The following RYR3 variants were observed in gnomAD, a reference collection of about 807,000 sequenced individuals.
The protein encoded by RYR3 is ryanodine receptor 3, also known as brain ryanodine receptor-calcium release channel.
In RYR3, 207 loss-of-function variants were observed where a neutral mutation model predicts 584.3. The observed-to-expected ratio is 0.35, with a 90% CI of 0.32 to 0.40. The LOEUF is 0.40. RYR3 is among the 10% of genes least tolerant of loss of function. The probability of loss-of-function intolerance (pLI) is 1.00; values close to 1 mark genes in which losing one functional copy is unlikely to be tolerated. For synonymous variants in RYR3, 2,416 were observed against 2,248.5 expected (o/e 1.07, Z -2.11); for missense variants, 5,616 against 6,089.2 (o/e 0.92, Z 2.59).
At chr15:33,450,554 G>C (rs2047035839) in intron 1 of RYR3, among the ~76,000 whole-genome samples, 1 of 151,910 alleles carries the variant, frequency 6.6e-6, no homozygotes, top group South Asian at 2.1e-4. Flanking sequence ...TTCCTAGGCA[G>C]AGCTCCTTGA....
chr15:33,407,799 C>T (rs1297843749), intron 1 of RYR3, among the ~76,000 whole-genome samples: 1 of 152,016 alleles, frequency 6.6e-6, no homozygotes, highest in Admixed American at 6.5e-5. Context: ...GGCATTTATT[C>T]CCGGCATGGA....
chr15:33,488,663 C>T (rs8042791), intron 2 of RYR3, among the ~76,000 whole-genome samples: 101,133 of 151,764 alleles, frequency 0.67, 35,007 homozygotes, highest in African/African-American at 0.87. Context: ...CCATCCTGGC[C>T]AACATGGTGA....
intron 67 of RYR3, among the ~76,000 whole-genome samples, chr15:33,795,904 T>G (rs1164174374): frequency 6.6e-6 from 1 of 152,142 alleles, no homozygotes; most frequent in Non-Finnish European, 1.5e-5. Context: ...ATTTGGAACT[T>G]AGCATTGAAC....
intron 1 of RYR3, among the ~76,000 whole-genome samples, chr15:33,426,521 G>T (rs1162598881): frequency 6.6e-6 from 1 of 152,146 alleles, no homozygotes; most frequent in Non-Finnish European, 1.5e-5. Flanking sequence ...AGTGGTAAGG[G>T]TGTAACTTTT....
chr15:33,395,254 A>T (rs943516631), intron 1 of RYR3, among the ~76,000 whole-genome samples: 1 of 152,232 alleles, frequency 6.6e-6, no homozygotes, highest in Admixed American at 6.5e-5. Context: ...AAACATGGGG[A>T]CGTAGCTGGA....
intron 10 of RYR3, among the ~76,000 whole-genome samples, chr15:33,550,652 T>C (rs918476569): frequency 6.6e-6 from 1 of 152,228 alleles, no homozygotes; most frequent in African/African-American, 2.4e-5. Context: ...TTCCAAGTTA[T>C]ATTCTTCACT....
intron 1 of RYR3, among the ~76,000 whole-genome samples, chr15:33,350,036 A>G (rs576315032): frequency 2.3e-3 from 346 of 151,920 alleles, no homozygotes; most frequent in Middle Eastern, 6.8e-3. Flanking sequence ...GCTATTGTGA[A>G]TAGTGCTGCA....
rs780773115 is a variant in RYR3 at position 33,813,013 on chromosome 15, G to A, written c.10389+19G>A. 1.4e-5 allele frequency: 22 copies of A among 1,613,638 alleles called. No homozygotes were observed. Among genetic ancestry groups the A allele is most frequent in the Admixed American group, 1.3e-4 (8 of 59,992 alleles). On this transcript the variant is annotated intron_variant, in intron 73 of 103. Transcript: ENST00000634891. The stretch of plus-strand genomic sequence containing the variant: ...GGAACAGGTAAGGAGCATCTGCCCT[G>A]AGGAATGGGGAAGCAGAAACACCCT...
Position 33,838,959 on chromosome 15 carries a change from G to T in RYR3, c.12978+1G>T. ...TGTACAGAAGAAGAGGAAAGCTCAGGTAAGTGTCATTTGTTTCTTTCATCT... is the reference window on the plus strand; with the variant it reads ...TGTACAGAAGAAGAGGAAAGCTCAGTTAAGTGTCATTTGTTTCTTTCATCT... On this transcript the variant is annotated splice_donor_variant, in intron 89 of 103. Coordinates refer to ENST00000634891, the MANE Select transcript of RYR3 (RefSeq NM_001036.6). LOFTEE classifies it high-confidence loss of function. 6.3e-7 allele frequency: 1 copy of T among 1,599,780 alleles called. No individual in the cohort carries two copies. Among genetic ancestry groups the T allele is most frequent in the Non-Finnish European group, 8.5e-7 (1 of 1,174,284 alleles).
chr15:33,416,990 G>T (rs1482675212), intron 1 of RYR3, among the ~76,000 whole-genome samples: 2 of 151,976 alleles, frequency 1.3e-5, no homozygotes, highest in African/African-American at 4.8e-5. Flanking sequence ...GTTGAAGATT[G>T]GTTGGTTTAA....
intron 1 of RYR3, among the ~76,000 whole-genome samples, chr15:33,314,540 A>G (rs1182590842): frequency 6.6e-6 from 1 of 152,106 alleles, no homozygotes. Flanking sequence ...AACGAAACAA[A>G]ACTCTAATCC....
chr15:33,664,589 G>GTATATATATATA lies in RYR3; in HGVS notation c.5619+867_5619+878dup, dbSNP rs139063789. The stretch of plus-strand genomic sequence containing the variant: ...TATATAGATATATGTGTGTGTGTGT[G>GTATATATATATA]TATATATATATATATATATATATAT... On this transcript the variant is annotated intron_variant, in intron 36 of 103. Transcript: ENST00000634891. Among the ~76,000 whole-genome samples, 247 of 91,352 alleles carry GTATATATATATA rather than the reference G, an allele frequency of 2.7e-3. 3 individuals carry two copies. The highest frequency in any genetic ancestry group is 8.0e-3 in the African/African-American group (182 of 22,748). 59.9% of individuals were successfully genotyped at this position (91,352 alleles called of 152,430 possible).
intron 13 of RYR3, 140 bp from the exon 14 acceptor site, chr15:33,581,368 C>T (rs543409292): frequency 1.2e-6 from 1 of 822,912 alleles, no homozygotes; most frequent in Non-Finnish European, 1.9e-6. Flanking sequence ...AAAAAACAAA[C>T]CCAACTGGCA....
chr15:33,677,635 C>G (rs1284575375), intron 38 of RYR3, among the ~76,000 whole-genome samples: 2 of 152,192 alleles, frequency 1.3e-5, no homozygotes, highest in Admixed American at 1.3e-4. Flanking sequence ...GTCTTACTGG[C>G]TTGCAGGGCT....
intron 80 of RYR3, among the ~76,000 whole-genome samples, chr15:33,822,210 A>G (rs1377958116): frequency 6.6e-6 from 1 of 152,228 alleles, no homozygotes; most frequent in Non-Finnish European, 1.5e-5. Context: ...TATTTCTTCA[A>G]CAATCTGAAT....
intron 3 of RYR3, among the ~76,000 whole-genome samples, chr15:33,511,939 C>T (rs889102490): frequency 2.0e-5 from 3 of 152,070 alleles, no homozygotes; most frequent in Non-Finnish European, 4.4e-5. Flanking sequence ...CCACCACGCC[C>T]GGCTAATTTT....
chr15:33,337,624 T>A (rs1024513109), intron 1 of RYR3, among the ~76,000 whole-genome samples: 1 of 152,102 alleles, frequency 6.6e-6, no homozygotes, highest in Non-Finnish European at 1.5e-5. Flanking sequence ...CAAAATAACA[T>A]CAGTTGGAAT....
intron 60 of RYR3, among the ~76,000 whole-genome samples, chr15:33,767,248 A>G (rs993630020): frequency 2.0e-5 from 3 of 152,112 alleles, no homozygotes; most frequent in African/African-American, 7.2e-5. Context: ...TCACAGAGGA[A>G]CAGAGCCCAC....
At chr15:33,701,978 AT>A (rs555023114) in intron 42 of RYR3, among the ~76,000 whole-genome samples, 211 of 152,166 alleles carry the variant, frequency 1.4e-3, no homozygotes, top group Non-Finnish European at 2.4e-3. Context: ...TACCATTTCT[AT>A]TACTAAAAGA....
Sources: gnomAD v4.1 joint callset for allele counts (sites outside exome capture counted in the v4.1 genomes callset) on GRCh38, gnomAD v4.1.1 for gene constraint, MANE v1.5 for transcripts, NCBI Gene and HGNC (gene_info 2026-07-23, HGNC 2026-07-21) for gene names.